SOX6: variants seen among roughly 807,000 people sequenced by gnomAD.
SOX6 encodes transcription factor SOX-6.
Under a neutral mutation model 97.8 loss-of-function variants are expected in SOX6, and 11 were observed. The ratio of observed to expected loss-of-function variants is 0.11; its 90% CI spans 0.07 to 0.19. SOX6 has a LOEUF of 0.19. SOX6 is among the 10% of genes least tolerant of loss of function. The pLI, the probability that SOX6 is intolerant of heterozygous loss-of-function variation, is 1.00. For missense variants in SOX6, 810 were observed against 1,039.5 expected, an observed-to-expected ratio of 0.78 and a Z score of 3.04; for synonymous variants, 360 against 371.4, an observed-to-expected ratio of 0.97 and a Z score of 0.35.
At chr11:16,490,210 T>C (rs1321036069) in intron 4 of SOX6, among the ~76,000 whole-genome samples, 3 of 152,040 alleles carry the variant, frequency 2.0e-5, no homozygotes, top group Admixed American at 2.0e-4. Context: ...AGAAATTACA[T>C]ATATAAGTGG....
intron 3 of SOX6, among the ~76,000 whole-genome samples, chr11:16,637,837 T>G (rs960054145): frequency 1.3e-5 from 2 of 151,946 alleles, no homozygotes; most frequent in South Asian, 4.1e-4. Flanking sequence ...GGAATATGTG[T>G]GCAACGTTTT....
At chr11:16,305,583 C>T (rs1454182785) in intron 3 of SOX6, among the ~76,000 whole-genome samples, 1 of 152,120 alleles carries the variant, frequency 6.6e-6, no homozygotes, top group Non-Finnish European at 1.5e-5. Flanking sequence ...ATTTATGTTA[C>T]AAAACCCTGT....
At chr11:16,407,710 A>C (rs951170853) in intron 1 of SOX6, among the ~76,000 whole-genome samples, 4 of 151,996 alleles carry the variant, frequency 2.6e-5, no homozygotes, top group Non-Finnish European at 4.4e-5. Context: ...AGGAGCCTTC[A>C]CCCATTCCTT....
At chr11:16,330,162 T>C (rs1856241924) in intron 2 of SOX6, among the ~76,000 whole-genome samples, 1 of 152,148 alleles carries the variant, frequency 6.6e-6, no homozygotes, top group African/African-American at 2.4e-5. Flanking sequence ...AAGAATTCCT[T>C]AGAGATGTCA....
chr11:16,595,765 C>T (rs1170491970), intron 4 of SOX6, among the ~76,000 whole-genome samples: 5 of 151,910 alleles, frequency 3.3e-5, no homozygotes, highest in African/African-American at 4.8e-5. Flanking sequence ...AGCAAGACCC[C>T]GTCTCTTAAA....
At chr11:16,408,306 C>A (rs1565135235) in intron 1 of SOX6, among the ~76,000 whole-genome samples, 1 of 151,860 alleles carries the variant, frequency 6.6e-6, no homozygotes, top group African/African-American at 2.4e-5. Context: ...GACAGAGAGG[C>A]AAAGAGAAAC....
At chr11:16,505,164 G>A (rs1373486253) in intron 4 of SOX6, among the ~76,000 whole-genome samples, 7 of 152,220 alleles carry the variant, frequency 4.6e-5, no homozygotes, top group African/African-American at 1.7e-4. Context: ...GAACTTTCTA[G>A]AGACTTGTTG....
At chr11:16,499,690 A>C (rs550592456) in intron 4 of SOX6, among the ~76,000 whole-genome samples, 1 of 152,358 alleles carries the variant, frequency 6.6e-6, no homozygotes, top group Admixed American at 6.5e-5. Context: ...ACCTCTATGC[A>C]AATAAACTAG....
At chr11:16,007,747 AGC>A (rs1854599829) in intron 13 of SOX6, among the ~76,000 whole-genome samples, 1 of 152,122 alleles carries the variant, frequency 6.6e-6, no homozygotes, top group Non-Finnish European at 1.5e-5. Context: ...CAATCTCAAA[AGC>A]TACAGTCAGT....
chr11:16,129,033 T>TA (rs1216835071), intron 6 of SOX6, among the ~76,000 whole-genome samples: 1 of 149,642 alleles, frequency 6.7e-6, no homozygotes, highest in Non-Finnish European at 1.5e-5. Context: ...GCATTTTTTT[T>TA]TTTTTTTTTT....
intron 3 of SOX6, among the ~76,000 whole-genome samples, chr11:16,251,170 T>C (rs1296581206): frequency 6.6e-6 from 1 of 152,026 alleles, no homozygotes; most frequent in African/African-American, 2.4e-5. Context: ...AATTAGTATA[T>C]TACAAAAGCA....
At chr11:16,210,033 T>C (rs1302507987) in intron 4 of SOX6, among the ~76,000 whole-genome samples, 1 of 152,168 alleles carries the variant, frequency 6.6e-6, no homozygotes, top group Non-Finnish European at 1.5e-5. Context: ...CCACATACAC[T>C]ACTGGTTGGA....
intron 4 of SOX6, among the ~76,000 whole-genome samples, chr11:16,525,302 G>A (rs895657746): frequency 6.6e-6 from 1 of 151,352 alleles, no homozygotes; most frequent in African/African-American, 2.4e-5. Flanking sequence ...CAATGGAACA[G>A]AACAGAGCCC....
At chr11:16,478,806 A>T (rs908190338), upstream of SOX6, among the ~76,000 whole-genome samples, 2 of 152,232 alleles carry the variant, frequency 1.3e-5, no homozygotes, top group African/African-American at 4.8e-5. Context: ...TCTTAAAAAG[A>T]CATTTCCAAA....
rs182834793 is a variant in SOX6, at chr11:16,008,730, C to T, written c.1732+6212G>A. Among the ~76,000 whole-genome samples, 114 of 152,162 alleles carry T rather than the reference C, an allele frequency of 7.5e-4. 2 individuals carry two copies. The South Asian group carries it at 0.011, about 15-fold the overall frequency. Reference sequence around the variant, plus strand: ...TATTTCTTTAAGAGAAGTTTATTTGCTTGTTTAAGAGAGCTGCACTTTATA... The same window carrying T: ...TATTTCTTTAAGAGAAGTTTATTTGTTTGTTTAAGAGAGCTGCACTTTATA... On this transcript the variant is annotated intron_variant, in intron 13 of 15. Transcript: ENST00000683767.
At position 16,312,490 on chromosome 11, in the gene SOX6, G is replaced by C. The variant is rs532723083; in HGVS notation, c.445+5956C>G. ...GTGGCTGAAGCACTATTATTAAAGA[G>C]AGATTAAAACAGCTGTACATTATGC... On this transcript the variant is annotated intron_variant, in intron 3 of 15. Transcript: ENST00000683767. The C allele has an allele frequency of 1.1e-4, 17 of 152,250 alleles. No homozygotes were observed. The East Asian group carries it at 2.5e-3, about 23-fold the overall frequency. 9.4% of individuals were successfully genotyped at this position (152,250 alleles called of 1,614,324 possible).
intron 11 of SOX6, among the ~76,000 whole-genome samples, chr11:16,047,397 A>G (rs955392855): frequency 6.6e-6 from 1 of 151,980 alleles, no homozygotes; most frequent in Non-Finnish European, 1.5e-5. Flanking sequence ...CAGCTCCCTC[A>G]CTTCATGACA....
intron 3 of SOX6, among the ~76,000 whole-genome samples, chr11:16,277,968 T>C (rs537660601): frequency 1.7e-4 from 26 of 152,222 alleles, no homozygotes; most frequent in Non-Finnish European, 3.1e-4. Flanking sequence ...AATGAGATCA[T>C]GTATTAAAAG....
At chr11:16,074,268 T>C (rs79935408) in intron 9 of SOX6, among the ~76,000 whole-genome samples, 2,356 of 152,158 alleles carry the variant, frequency 0.015, 62 homozygotes, top group African/African-American at 0.054. Context: ...ACACTACCAC[T>C]GATGATACAA....
Sources: allele counts gnomAD v4.1 joint callset (sites outside exome capture counted in the v4.1 genomes callset), GRCh38; gene constraint gnomAD v4.1.1; transcripts MANE v1.5; gene names NCBI Gene and HGNC (gene_info 2026-07-23, HGNC 2026-07-21).